TACC1: variants seen among roughly 807,000 people sequenced by gnomAD.
The protein encoded by TACC1 is transforming acidic coiled-coil-containing protein 1.
TACC1 carries 48 observed loss-of-function variants against 84.4 expected under a neutral mutation model. The observed-to-expected ratio is 0.57, with a 90% CI of 0.45 to 0.72. The LOEUF is 0.72. Ranked by LOEUF, TACC1 falls within the 30% of genes least tolerant of loss-of-function variation. TACC1 has a pLI of 0.00. For missense variants in TACC1, 920 were observed against 973.0 expected (o/e 0.95, Z 0.72); for synonymous variants, 372 against 376.3 (o/e 0.99, Z 0.13).
At chr8:38,741,183 T>C (rs1807001307) in intron 1 of TACC1, among the ~76,000 whole-genome samples, 1 of 146,408 alleles carries the variant, frequency 6.8e-6, no homozygotes, top group Non-Finnish European at 1.5e-5. Flanking sequence ...TGAGACGGAG[T>C]CTCCCTCTGT....
intron 2 of TACC1, among the ~76,000 whole-genome samples, chr8:38,796,176 G>A (rs746079002): frequency 5.3e-5 from 8 of 152,196 alleles, no homozygotes; most frequent in South Asian, 4.1e-4. Context: ...ATGATTCTGC[G>A]AGATAGGACA....
chr8:38,735,645 G>A (rs1472564390), intron 1 of TACC1, among the ~76,000 whole-genome samples: 1 of 152,162 alleles, frequency 6.6e-6, no homozygotes, highest in African/African-American at 2.4e-5. Flanking sequence ...CAGGCCTAAG[G>A]CAGTGACAGC....
intron 9 of TACC1, chr8:38,840,618 G>A (rs1253013039): frequency 5.6e-6 from 1 of 180,164 alleles, no homozygotes; most frequent in Non-Finnish European, 1.2e-5. Flanking sequence ...TAAACTATAA[G>A]ACCATAGCCG....
intron 2 of TACC1, among the ~76,000 whole-genome samples, chr8:38,812,426 A>G (rs1282280700): frequency 6.6e-6 from 1 of 152,030 alleles, no homozygotes; most frequent in African/African-American, 2.4e-5. Flanking sequence ...TCCTCTCTTT[A>G]TACTCTTTTT....
In TACC1 at chr8:38,742,515, C is replaced by T. The variant is rs1303532773; in HGVS notation, c.-574+64C>T. 7.4e-6 allele frequency: 9 copies of T among 1,217,884 alleles called. 1 individual carries two copies. Among genetic ancestry groups the T allele is most frequent in the Admixed American group, 6.7e-5 (3 of 44,862 alleles). 75.4% of individuals were successfully genotyped at this position (1,217,884 alleles called of 1,614,324 possible). On this transcript the variant is annotated intron_variant, in intron 2 of 14. Transcript: ENST00000518415. ...ATTTTAAAGTAAAAATTTTTATTTC[C>T]TAGTGAAAAATAACAGATATGTAAT...
At chr8:38,757,121 C>T (rs1810204760) in intron 3 of TACC1, 2 of 505,880 alleles carry the variant, frequency 4.0e-6, no homozygotes, top group African/African-American at 4.3e-5. Context: ...GCAGCACCCG[C>T]GGGGCCCTGC....
At chr8:38,783,845 G>A (rs1330402512), upstream of TACC1, among the ~76,000 whole-genome samples, 2 of 152,252 alleles carry the variant, frequency 1.3e-5, no homozygotes, top group Non-Finnish European at 2.9e-5. Flanking sequence ...TTGGGTAGTG[G>A]AGGGAAGATT....
At chr8:38,733,491 C>T (rs933668231) in intron 1 of TACC1, among the ~76,000 whole-genome samples, 1 of 152,118 alleles carries the variant, frequency 6.6e-6, no homozygotes, top group African/African-American at 2.4e-5. Context: ...TGGCCAAATG[C>T]CACTGTAGTT....
chr8:38,751,198 G>GAA (rs35186549), intron 3 of TACC1, among the ~76,000 whole-genome samples: 13 of 150,078 alleles, frequency 8.7e-5, no homozygotes, highest in South Asian at 2.1e-4. Flanking sequence ...ATTGCTAAGG[G>GAA]AAAAAAAAAA....
chr8:38,811,867 G>T (rs954835630), intron 2 of TACC1, among the ~76,000 whole-genome samples: 1 of 152,162 alleles, frequency 6.6e-6, no homozygotes, highest in South Asian at 2.1e-4. Context: ...TTTTCTTCTT[G>T]CAGAGAGCCT....
intron 2 of TACC1, among the ~76,000 whole-genome samples, chr8:38,795,042 C>T (rs750133305): frequency 1.1e-4 from 17 of 152,040 alleles, no homozygotes; most frequent in Non-Finnish European, 2.1e-4. Flanking sequence ...ATTTTTAGCT[C>T]TGAAGTTGGA....
chr8:38,773,353 A>G (rs1388067058), intron 3 of TACC1, among the ~76,000 whole-genome samples: 4 of 150,332 alleles, frequency 2.7e-5, no homozygotes, highest in East Asian at 3.9e-4. Flanking sequence ...TTAAATATTG[A>G]CATAAATATT....
At chr8:38,835,253 C>CAA (rs1185132174) in intron 6 of TACC1, among the ~76,000 whole-genome samples, 10 of 75,840 alleles carry the variant, frequency 1.3e-4, no homozygotes, top group Non-Finnish European at 2.0e-4. Flanking sequence ...GACCCCGTCT[C>CAA]AAAAAAAAAA....
chr8:38,850,266 A>C lies in TACC1; in HGVS notation c.*2243A>C, dbSNP rs17514831. On this transcript the variant is annotated 3_prime_UTR_variant, in exon 13 of 13. Transcript: ENST00000317827. ...TGGCCTCTCAGCCATGACCGTTATG[A>C]GGAAATATCCCCCATTCGAACTTAA... The C allele has an allele frequency of 0.058, 8,801 of 152,346 alleles. 341 individuals carry two copies. Among genetic ancestry groups the C allele is most frequent in the Middle Eastern group, 0.1 (30 of 294 alleles). 9.4% of individuals were successfully genotyped at this position (152,346 alleles called of 1,614,324 possible).
intron 3 of TACC1, among the ~76,000 whole-genome samples, chr8:38,779,837 A>C (rs1406852813): frequency 6.6e-6 from 1 of 152,272 alleles, no homozygotes; most frequent in Non-Finnish European, 1.5e-5. Context: ...CCGTAACAAT[A>C]CTTTCCTCCT....
intron 1 of TACC1, among the ~76,000 whole-genome samples, chr8:38,729,082 A>AG (rs888861532): frequency 1.6e-5 from 2 of 126,424 alleles, no homozygotes; most frequent in African/African-American, 5.4e-5. Flanking sequence ...ATCTGGGAAT[A>AG]GATTCGGGGA....
At chr8:38,759,971 C>T (rs987382398) in intron 3 of TACC1, among the ~76,000 whole-genome samples, 6 of 151,958 alleles carry the variant, frequency 3.9e-5, no homozygotes, top group Non-Finnish European at 7.4e-5. Flanking sequence ...TCATGGATAA[C>T]GCTGACCTCA....
chr8:38,773,892 T>A (rs991165081), intron 3 of TACC1, among the ~76,000 whole-genome samples: 3 of 152,246 alleles, frequency 2.0e-5, no homozygotes, highest in Non-Finnish European at 2.9e-5. Context: ...AGTGGCTATT[T>A]ATGAAAGACA....
chr8:38,850,228 G>A lies in TACC1; in HGVS notation c.*2205G>A, dbSNP rs1409456079. ...GGGAGCACCAAAGGACCTTCGTTAA[G>A]TGATAATTGTCCTGGCCTCTCAGCC... On this transcript the variant is annotated 3_prime_UTR_variant, in exon 13 of 13. Transcript: ENST00000317827. 4 of 152,414 alleles carry A rather than the reference G, an allele frequency of 2.6e-5. No individual in the cohort carries two copies. Among genetic ancestry groups the A allele is most frequent in the Non-Finnish European group, 5.9e-5 (4 of 68,048 alleles). The allele number at this position is 152,414 out of a possible 1,614,324, so 9.4% of individuals were successfully genotyped here.
Sources: gnomAD v4.1 joint callset for allele counts (sites outside exome capture counted in the v4.1 genomes callset) on GRCh38, gnomAD v4.1.1 for gene constraint, MANE v1.5 for transcripts, NCBI Gene and HGNC (gene_info 2026-07-23, HGNC 2026-07-21) for gene names.